The following ZNF385D variants were observed in gnomAD, a reference collection of about 807,000 sequenced individuals.
ZNF385D encodes zinc finger protein 385D, also known as zinc finger protein 659.
A neutral mutation model predicts 35.8 loss-of-function variants in ZNF385D; 15 were observed. The ratio of observed to expected loss-of-function variants is 0.42; its 90% CI spans 0.28 to 0.64. ZNF385D has a LOEUF of 0.64. Among genes scored for constraint, ZNF385D ranks in the 30% least tolerant of loss-of-function variants. The pLI is 0.23. For missense variants in ZNF385D, 474 were observed against 494.6 expected, an observed-to-expected ratio of 0.96 and a Z score of 0.39; for synonymous variants, 212 against 186.8, an observed-to-expected ratio of 1.13 and a Z score of -1.10.
At chr3:21,442,365 C>G (rs1701905152) in intron 4 of ZNF385D, among the ~76,000 whole-genome samples, 1 of 152,134 alleles carries the variant, frequency 6.6e-6, no homozygotes, top group African/African-American at 2.4e-5. Flanking sequence ...AGAATTACAT[C>G]TGATTTATTT....
At chr3:22,278,779 C>G (rs1701564792) in intron 2 of ZNF385D, among the ~76,000 whole-genome samples, 1 of 152,084 alleles carries the variant, frequency 6.6e-6, no homozygotes, top group Non-Finnish European at 1.5e-5. Context: ...GAAGTATTCT[C>G]TTGGTTAAGA....
At chr3:22,003,517 A>G (rs1025215812) in intron 3 of ZNF385D, among the ~76,000 whole-genome samples, 2 of 152,168 alleles carry the variant, frequency 1.3e-5, no homozygotes, top group African/African-American at 4.8e-5. Context: ...TATTCTCTAT[A>G]CTCAATGCAA....
chr3:22,320,567 T>TA lies in ZNF385D; in HGVS notation c.106+51882dup, dbSNP rs748137632. ...ATACTATTTTTAATGTATACATAGA[T>TA]AAGTATGTTTGTATAGAAGTAACAG... On this transcript the variant is annotated intron_variant, in intron 2 of 5. Transcript: ENST00000494108. Among the ~76,000 whole-genome samples the TA allele has an allele frequency of 2.0e-3, 308 of 151,120 alleles. 2 individuals are homozygous for TA. Among genetic ancestry groups the TA allele is most frequent in the Middle Eastern group, 0.017 (5 of 294 alleles).
Position 21,603,470 on chromosome 3 carries a change from G to A in ZNF385D, c.166-38786C>T, listed in dbSNP as rs150343530. ...TAAGAGTCCAAAACTGGTAAAAGAA[G>A]TATCCATCTATAGATATTGGTTACA... On this transcript the variant is annotated intron_variant, in intron 2 of 7. Transcript: ENST00000281523. Among the ~76,000 whole-genome samples the A allele has an allele frequency of 4.3e-4, 66 of 152,226 alleles. 1 individual carries two copies. The East Asian group carries it at 0.012, about 27-fold the overall frequency.
chr3:21,446,614 C>T (rs1191489421), intron 4 of ZNF385D, among the ~76,000 whole-genome samples: 5 of 150,142 alleles, frequency 3.3e-5, no homozygotes, highest in African/African-American at 1.2e-4. Context: ...CTGCCTCAGC[C>T]TCCTGAGTAG....
intron 2 of ZNF385D, among the ~76,000 whole-genome samples, chr3:22,369,898 G>A (rs539535239): frequency 6.6e-5 from 10 of 152,146 alleles, no homozygotes; most frequent in African/African-American, 2.4e-4. Context: ...GAAAATAATG[G>A]ATACTGTATA....
At chr3:22,127,470 G>C (rs577446685) in intron 3 of ZNF385D, among the ~76,000 whole-genome samples, 3 of 151,068 alleles carry the variant, frequency 2.0e-5, no homozygotes, top group Non-Finnish European at 4.4e-5. Flanking sequence ...CTCCCTAGTA[G>C]CTGGGATTAC....
chr3:22,090,801 T>C (rs553638614), intron 3 of ZNF385D, among the ~76,000 whole-genome samples: 7 of 152,288 alleles, frequency 4.6e-5, no homozygotes, highest in South Asian at 4.1e-4. Context: ...TCTGTACCAG[T>C]AGAAGTAGCT....
chr3:21,870,532 G>C (rs1240944657), intron 3 of ZNF385D, among the ~76,000 whole-genome samples: 2 of 152,134 alleles, frequency 1.3e-5, no homozygotes, highest in Non-Finnish European at 2.9e-5. Context: ...CAATGTATCT[G>C]ATCTCTGATT....
chr3:21,702,175 G>A (rs2067713208), intron 1 of ZNF385D, among the ~76,000 whole-genome samples: 1 of 152,198 alleles, frequency 6.6e-6, no homozygotes, highest in Non-Finnish European at 1.5e-5. Context: ...GCAAACTTTT[G>A]CCTGGGCATC....
intron 1 of ZNF385D, among the ~76,000 whole-genome samples, chr3:21,709,683 G>A (rs1310774857): frequency 6.6e-6 from 1 of 152,110 alleles, no homozygotes; most frequent in Non-Finnish European, 1.5e-5. Flanking sequence ...TCATAGATAA[G>A]AGGGACGCCT....
chr3:22,174,159 G>C (rs1158674663), intron 2 of ZNF385D, among the ~76,000 whole-genome samples: 1 of 152,046 alleles, frequency 6.6e-6, no homozygotes. Flanking sequence ...TAAAATGAAA[G>C]TATGTAAAAT....
chr3:22,325,710 A>T (rs185606018), intron 2 of ZNF385D, among the ~76,000 whole-genome samples: 1 of 152,208 alleles, frequency 6.6e-6, no homozygotes, highest in African/African-American at 2.4e-5. Flanking sequence ...GTGAGCCAAG[A>T]TCACGCCATT....
At chr3:21,705,685 G>T (rs774035485) in intron 1 of ZNF385D, among the ~76,000 whole-genome samples, 2 of 152,156 alleles carry the variant, frequency 1.3e-5, no homozygotes, top group Non-Finnish European at 2.9e-5. Flanking sequence ...TCATATGATG[G>T]CAGAGCTGAA....
At chr3:22,297,531 C>T (rs542619378) in intron 2 of ZNF385D, among the ~76,000 whole-genome samples, 3 of 152,084 alleles carry the variant, frequency 2.0e-5, no homozygotes, top group South Asian at 2.1e-4. Context: ...GAAGTGGGGC[C>T]GGAGGAGGAC....
chr3:22,070,217 C>G lies in ZNF385D; in HGVS notation c.325+98600G>C, dbSNP rs1335650412. On this transcript the variant is annotated intron_variant, in intron 3 of 5. Transcript: ENST00000494108. ...TTGTAATTTAAATCAGTGGCCCCAT[C>G]CCCTTAAAGCACAATTTAAGTCCTG... Among the ~76,000 whole-genome samples the G allele has an allele frequency of 2.6e-5, 4 of 152,188 alleles. No individual in the cohort carries two copies. In the South Asian group the frequency reaches 8.3e-4, roughly 32 times the overall value.
intron 3 of ZNF385D, among the ~76,000 whole-genome samples, chr3:21,936,546 T>C (rs140479897): frequency 2.5e-3 from 376 of 152,254 alleles, no homozygotes; most frequent in African/African-American, 8.6e-3. Context: ...GTTTTTTTTA[T>C]AGCATTTATC....
chr3:21,992,115 A>G (rs1043802441), intron 3 of ZNF385D, among the ~76,000 whole-genome samples: 1 of 152,196 alleles, frequency 6.6e-6, no homozygotes, highest in Non-Finnish European at 1.5e-5. Context: ...ATGCCCAGCA[A>G]TCAGTACATT....
At chr3:21,613,581 GA>G (rs2064753652) in intron 2 of ZNF385D, among the ~76,000 whole-genome samples, 1 of 152,156 alleles carries the variant, frequency 6.6e-6, no homozygotes, top group Non-Finnish European at 1.5e-5. Flanking sequence ...ATTTGGTCAA[GA>G]TGACCCTTAG....
Sources: allele counts gnomAD v4.1 joint callset (sites outside exome capture counted in the v4.1 genomes callset), GRCh38; gene constraint gnomAD v4.1.1; transcripts MANE v1.5; gene names NCBI Gene and HGNC (gene_info 2026-07-23, HGNC 2026-07-21).